TBC1D1: variants seen among roughly 807,000 people sequenced by gnomAD.
TBC1D1 encodes TBC1 (tre-2/USP6, BUB2, cdc16) domain family, member 1.
Under a neutral mutation model 125.6 loss-of-function variants are expected in TBC1D1, and 89 were observed. That is an observed-to-expected ratio of 0.71 (90% confidence interval 0.60 to 0.85). TBC1D1 has a LOEUF of 0.85. Among genes scored for constraint, TBC1D1 ranks in the 40% least tolerant of loss-of-function variants. The probability of loss-of-function intolerance (pLI) is 0.00; values close to 1 mark genes in which losing one functional copy is unlikely to be tolerated. For synonymous variants in TBC1D1, 565 were observed against 564.1 expected (o/e 1.00, Z -0.02); for missense variants, 1,377 against 1,469.2 (o/e 0.94, Z 1.03).
intron 2 of TBC1D1, among the ~76,000 whole-genome samples, chr4:37,903,842 G>A (rs1291012624): frequency 6.6e-6 from 1 of 152,146 alleles, no homozygotes; most frequent in African/African-American, 2.4e-5. Flanking sequence ...GGACTGAGAA[G>A]GGAGCCTAAC....
intron 12 of TBC1D1, among the ~76,000 whole-genome samples, chr4:38,055,765 G>C (rs1376098029): frequency 6.6e-6 from 1 of 152,158 alleles, no homozygotes; most frequent in African/African-American, 2.4e-5. Context: ...CTGCCCCGTG[G>C]AGAGGTCTGC....
rs1380051545 is a variant in TBC1D1, at chr4:38,125,108, C to A, written c.3109C>A (p.Gln1037Lys). The change falls in exon 18 of 20, where the codon CAG (glutamine) becomes AAG (lysine). Residue 1037 changes from glutamine (Q) to lysine (K), a missense_variant. Transcript: ENST00000261439. ...CACGCTACCCAACCTTGGCTTGGTA[C>A]AGATGGAAAAGACCATCAATCAGGT... is the stretch of plus-strand genomic sequence containing the variant. 5 of 1,614,104 alleles carry A rather than the reference C, an allele frequency of 3.1e-6. No individual in the cohort carries two copies. The highest frequency in any genetic ancestry group is 4.2e-6 in the Non-Finnish European group (5 of 1,180,012).
chr4:38,014,715 G>C lies in TBC1D1; in HGVS notation c.624G>C (p.Gly208=). The C allele has an allele frequency of 6.2e-7, 1 of 1,612,500 alleles. No homozygotes were observed. Among genetic ancestry groups the C allele is most frequent in the Non-Finnish European group, 8.5e-7 (1 of 1,179,810 alleles). The stretch of plus-strand genomic sequence containing the variant: ...TCAATCACGTCAGCGGCAGCCGGGG[G>C]TCCGAGAGCCCCCGCCCCAACCCGC... Residue 208 remains glycine (G), a synonymous_variant, in exon 3 of 20, where the codon GGG becomes GGC. Transcript: ENST00000261439. The surrounding 1 kb of genome is among the most constrained non-coding windows in gnomAD (Gnocchi z 5.1).
chr4:37,903,238 C>T (rs1172916030), intron 2 of TBC1D1, among the ~76,000 whole-genome samples: 1 of 152,156 alleles, frequency 6.6e-6, no homozygotes, highest in Non-Finnish European at 1.5e-5. Flanking sequence ...GGTAAAAGTT[C>T]TGCTCTTTCC....
At chr4:38,098,281 A>G in intron 14 of TBC1D1, among the ~76,000 whole-genome samples, 1 of 152,218 alleles carries the variant, frequency 6.6e-6, no homozygotes, top group East Asian at 1.9e-4. Flanking sequence ...AAAGGGAGAA[A>G]GCAGAGAAAA....
intron 2 of TBC1D1, among the ~76,000 whole-genome samples, chr4:37,973,324 C>G (rs554328437): frequency 2.6e-5 from 4 of 152,286 alleles, no homozygotes; most frequent in East Asian, 3.9e-4. Context: ...AACAATGAAC[C>G]CTTCATGTCC....
At chr4:37,906,005 C>T (rs535850541) in intron 2 of TBC1D1, among the ~76,000 whole-genome samples, 1 of 152,186 alleles carries the variant, frequency 6.6e-6, no homozygotes, top group African/African-American at 2.4e-5. Context: ...ATTGTGTAAG[C>T]TGAACCAGCA....
intron 8 of TBC1D1, among the ~76,000 whole-genome samples, chr4:38,039,417 G>A (rs1248896171): frequency 2.6e-5 from 4 of 152,000 alleles, no homozygotes; most frequent in East Asian, 2.0e-4. Flanking sequence ...GCGCCTGGCC[G>A]GCATCATACT....
chr4:38,105,995 G>A (rs1399949522), intron 15 of TBC1D1, among the ~76,000 whole-genome samples: 5 of 152,102 alleles, frequency 3.3e-5, no homozygotes, highest in African/African-American at 1.2e-4. Flanking sequence ...TCAGCTCTTA[G>A]CAGAACCTGT....
In TBC1D1 at chr4:37,902,393, C is replaced by G; in HGVS notation, c.298C>G (p.Arg100Gly). The stretch of plus-strand genomic sequence containing the variant: ...CAGCATCTTTGAGTGCAAGCCTCAG[C>G]GTGTTCACAAACTGATTCACAACAG... The change falls in exon 2 of 20, where the codon CGT becomes GGT. Residue 100 changes from arginine to glycine, a missense_variant. Coordinates refer to ENST00000261439, the MANE Select transcript of TBC1D1 (RefSeq NM_015173.4). 1 of 1,614,150 alleles carries G rather than the reference C, an allele frequency of 6.2e-7. No individual in the cohort carries two copies. The highest frequency in any genetic ancestry group is 8.5e-7 in the Non-Finnish European group (1 of 1,180,022).
At chr4:38,062,995 G>T (rs918645038) in intron 12 of TBC1D1, among the ~76,000 whole-genome samples, 1 of 151,986 alleles carries the variant, frequency 6.6e-6, no homozygotes, top group Non-Finnish European at 1.5e-5. Flanking sequence ...TACAGCACCT[G>T]ACAGCAGATT....
chr4:38,119,010 G>T (rs28370506), intron 17 of TBC1D1, among the ~76,000 whole-genome samples: 29,050 of 152,060 alleles, frequency 0.19, 3,623 homozygotes, highest in East Asian at 0.37. Context: ...TTTCCCTACT[G>T]CAGAATAAAA....
intron 11 of TBC1D1, among the ~76,000 whole-genome samples, chr4:38,052,896 T>A (rs1751017179): frequency 6.6e-6 from 1 of 152,226 alleles, no homozygotes; most frequent in South Asian, 2.1e-4. Flanking sequence ...TTTTCTTTTT[T>A]AAAAAATTAT....
At chr4:38,120,045 G>A in intron 17 of TBC1D1, 1 of 985,370 alleles carries the variant, frequency 1.0e-6, no homozygotes, top group Non-Finnish European at 1.2e-6. Flanking sequence ...CTATTGCAGA[G>A]TAATTTGAAG....
chr4:37,891,866 GATGGCTCTGTGATT>G (rs1488793327), intron 1 of TBC1D1, among the ~76,000 whole-genome samples: 1 of 151,910 alleles, frequency 6.6e-6, no homozygotes, highest in African/African-American at 2.4e-5. Context: ...GCCGCTTCCT[GATGGCTCTGTGATT>G]ATGAGACCCC....
At chr4:38,118,908 A>G (rs1353092996) in intron 17 of TBC1D1, among the ~76,000 whole-genome samples, 2 of 152,348 alleles carry the variant, frequency 1.3e-5, no homozygotes, top group African/African-American at 2.4e-5. Context: ...AAAGCCTTCA[A>G]CCTGCCTTCA....
intron 12 of TBC1D1, among the ~76,000 whole-genome samples, chr4:38,073,258 C>T (rs1215733902): frequency 1.3e-5 from 2 of 152,234 alleles, no homozygotes; most frequent in African/African-American, 4.8e-5. Context: ...TCCAGTTCCT[C>T]TACACCCTCA....
chr4:37,893,176 A>T (rs1429859526), intron 1 of TBC1D1, among the ~76,000 whole-genome samples: 3 of 152,190 alleles, frequency 2.0e-5, no homozygotes, highest in African/African-American at 7.2e-5. Flanking sequence ...GATGGTAGGG[A>T]GGAGAGCAAG....
chr4:37,976,870 T>C (rs1733192786), intron 2 of TBC1D1, among the ~76,000 whole-genome samples: 1 of 152,322 alleles, frequency 6.6e-6, no homozygotes, highest in Admixed American at 6.5e-5. Flanking sequence ...CCGAGTTTCC[T>C]GACTCCAAGA....
Sources: gnomAD v4.1 joint callset for allele counts (sites outside exome capture counted in the v4.1 genomes callset) on GRCh38, gnomAD v4.1.1 for gene constraint, Gnocchi (gnomAD v3.1) non-coding constraint, MANE v1.5 for transcripts, NCBI Gene and HGNC (gene_info 2026-07-23, HGNC 2026-07-21) for gene names.